GSTCD: variants seen among roughly 807,000 people sequenced by gnomAD.
GSTCD encodes the protein glutathione S-transferase C-terminal domain-containing protein.
In GSTCD, 44 loss-of-function variants were observed where a neutral mutation model predicts 68.3. The ratio of observed to expected loss-of-function variants is 0.64; its 90% CI spans 0.51 to 0.83. The LOEUF is 0.83. GSTCD is among the 40% of genes least tolerant of loss of function. The pLI, the probability that GSTCD is intolerant of heterozygous loss-of-function variation, is 0.00. For synonymous variants in GSTCD, 273 were observed against 255.2 expected, an observed-to-expected ratio of 1.07 and a Z score of -0.67; for missense variants, 739 against 735.9, an observed-to-expected ratio of 1.00 and a Z score of -0.05.
intron 5 of GSTCD, among the ~76,000 whole-genome samples, chr4:105,819,792 G>A (rs1055172811): frequency 6.6e-6 from 1 of 151,218 alleles, no homozygotes; most frequent in African/African-American, 2.4e-5. Context: ...GATCTCTGTT[G>A]AAAAAATTTG....
In GSTCD at chr4:105,729,452, G is replaced by C. The variant is rs1000781346; in HGVS notation, c.1193G>C (p.Trp398Ser). 4 of 1,611,926 alleles carry C rather than the reference G, an allele frequency of 2.5e-6. No homozygotes were observed. Among genetic ancestry groups the C allele is most frequent in the South Asian group, 1.1e-5 (1 of 90,776 alleles). The change falls in exon 5 of 12, where the codon TGG (tryptophan) becomes TCG (serine). Residue 398 changes from tryptophan (W) to serine (S), a missense_variant. Physicochemically the swap from Trp to Ser is radical, Grantham distance 177 (BLOSUM62 -3). Coordinates refer to ENST00000515279, the MANE Select transcript of GSTCD (RefSeq NM_001370181.1). ...VMFSPHPCPTWTLDWNVLPAA... is the reference protein window; with the variant it reads ...VMFSPHPCPTSTLDWNVLPAA... ...TTTTCTCCCCACCCTTGCCCTACTT[G>C]GACTCTTGATTGGAATGTTCTCCCT... is the stretch of plus-strand genomic sequence containing the variant.
At chr4:105,766,852 A>T (rs1322523822) in intron 5 of GSTCD, among the ~76,000 whole-genome samples, 1 of 133,170 alleles carries the variant, frequency 7.5e-6, no homozygotes, top group African/African-American at 2.9e-5. Context: ...CAGAAGATGG[A>T]TTAGTGTCCC....
At chr4:105,839,186 C>T (rs1396258269) in intron 10 of GSTCD, among the ~76,000 whole-genome samples, 1 of 152,184 alleles carries the variant, frequency 6.6e-6, no homozygotes, top group African/African-American at 2.4e-5. Flanking sequence ...AAAACCACAA[C>T]ATTGCTGGCC....
At chr4:105,805,470 A>G (rs527361500) in intron 5 of GSTCD, among the ~76,000 whole-genome samples, 90 of 152,224 alleles carry the variant, frequency 5.9e-4, no homozygotes, top group African/African-American at 2.2e-3. Context: ...TTAATACACA[A>G]TTATTTTTAA....
chr4:105,842,296 G>T (rs553625027), intron 11 of GSTCD, among the ~76,000 whole-genome samples, 162 bp downstream of exon 11: 9 of 152,132 alleles, frequency 5.9e-5, no homozygotes, highest in Non-Finnish European at 1.2e-4. Flanking sequence ...ATTGAAAAGG[G>T]TATTGTAACT....
chr4:105,818,115 C>A (rs1168852073), intron 5 of GSTCD, among the ~76,000 whole-genome samples: 1 of 151,688 alleles, frequency 6.6e-6, no homozygotes, highest in Admixed American at 6.6e-5. Flanking sequence ...GAGACAGAAG[C>A]AATTTCAGCT....
chr4:105,719,184 G>A lies in GSTCD; in HGVS notation c.551G>A (p.Ser184Asn), dbSNP rs776275733. The A allele has an allele frequency of 5.6e-6, 9 of 1,613,960 alleles. No homozygotes were observed. The South Asian group carries it at 6.6e-5, about 12-fold the overall frequency. The stretch of plus-strand genomic sequence containing the variant: ...ATACTACAGCTAGAGAAAAAGCTTA[G>A]TGAGCCTGTTAGAGTGCATAATGAT... ...VEILQLEKKLSEPVRVHNDDK... is the reference protein window; with the variant it reads ...VEILQLEKKLNEPVRVHNDDK... Residue 184 changes from serine (S) to asparagine (N), a missense_variant, in exon 3 of 12, where the codon AGT (serine) becomes AAT (asparagine). Ser to Asn is a conservative substitution (Grantham distance 46). Transcript: ENST00000515279.
intron 5 of GSTCD, among the ~76,000 whole-genome samples, chr4:105,793,536 G>A (rs1177000836): frequency 6.6e-6 from 1 of 151,474 alleles, no homozygotes; most frequent in Non-Finnish European, 1.5e-5. Flanking sequence ...CTATTTTGGT[G>A]TTAACTGAAT....
intron 5 of GSTCD, among the ~76,000 whole-genome samples, chr4:105,801,481 TA>T (rs1736102952): frequency 6.6e-6 from 1 of 152,100 alleles, no homozygotes; most frequent in Admixed American, 6.6e-5. Flanking sequence ...TGTTAAAGAA[TA>T]AAGGGTAGTT....
intron 5 of GSTCD, among the ~76,000 whole-genome samples, chr4:105,803,954 A>G (rs988356648): frequency 3.3e-5 from 5 of 152,026 alleles, no homozygotes; most frequent in Admixed American, 6.6e-5. Flanking sequence ...TTGGTTAGGG[A>G]TATGTACATA....
intron 5 of GSTCD, among the ~76,000 whole-genome samples, chr4:105,784,377 C>G (rs1273330477): frequency 1.3e-5 from 2 of 152,182 alleles, no homozygotes; most frequent in Non-Finnish European, 2.9e-5. Context: ...AGGGACCAGA[C>G]TAGCTTTATA....
chr4:105,776,981 C>T (rs1324371410), intron 5 of GSTCD, among the ~76,000 whole-genome samples: 1 of 152,158 alleles, frequency 6.6e-6, no homozygotes, highest in Admixed American at 6.5e-5. Context: ...ATCTGTCCAA[C>T]TCAATCTATG....
chr4:105,742,264 A>G (rs1300611253), intron 5 of GSTCD, among the ~76,000 whole-genome samples: 2 of 152,114 alleles, frequency 1.3e-5, no homozygotes, highest in Non-Finnish European at 2.9e-5. Flanking sequence ...CATTCCTTGA[A>G]CTTTTTACTG....
intron 5 of GSTCD, among the ~76,000 whole-genome samples, chr4:105,758,115 C>G (rs1363405093): frequency 6.6e-6 from 1 of 152,040 alleles, no homozygotes; most frequent in African/African-American, 2.4e-5. Context: ...CTAATATAAC[C>G]GCTGATTTTT....
chr4:105,724,380 A>G (rs1310544523), intron 3 of GSTCD, among the ~76,000 whole-genome samples: 1 of 151,958 alleles, frequency 6.6e-6, no homozygotes, highest in African/African-American at 2.4e-5. Context: ...TGAAAAAATA[A>G]AAGTCTTACT....
At chr4:105,751,335 C>T (rs1189148744) in intron 5 of GSTCD, among the ~76,000 whole-genome samples, 4 of 151,988 alleles carry the variant, frequency 2.6e-5, no homozygotes, top group African/African-American at 7.2e-5. Context: ...TATTGAAATA[C>T]TTCTCAGCTC....
At chr4:105,723,346 T>C (rs1046664495) in intron 3 of GSTCD, among the ~76,000 whole-genome samples, 1 of 151,914 alleles carries the variant, frequency 6.6e-6, no homozygotes, top group African/African-American at 2.4e-5. Flanking sequence ...ATCCATTGGT[T>C]CTGTATTCAT....
rs1560857960 is a variant in GSTCD at position 105,842,054 on chromosome 4, T to G, written c.1696-11T>G. On this transcript the variant is annotated splice_polypyrimidine_tract_variant and intron_variant, in intron 10 of 11. Coordinates refer to ENST00000515279, the MANE Select transcript of GSTCD (RefSeq NM_001370181.1). ...AAAAATAAACCCACATTCTATTGCT[T>G]TTTCTTTTAGGAACACATGATTCTG... 6.2e-7 allele frequency: 1 copy of G among 1,610,950 alleles called. No individual in the cohort carries two copies. The highest frequency in any genetic ancestry group is 8.5e-7 in the Non-Finnish European group (1 of 1,177,266).
chr4:105,780,032 T>C (rs1326288533), intron 5 of GSTCD, among the ~76,000 whole-genome samples: 1 of 152,248 alleles, frequency 6.6e-6, no homozygotes, highest in Non-Finnish European at 1.5e-5. Context: ...GCAGTGCATA[T>C]GTTGAATCTA....
Sources: gnomAD v4.1 joint callset for allele counts (sites outside exome capture counted in the v4.1 genomes callset) on GRCh38, gnomAD v4.1.1 for gene constraint, MANE v1.5 for transcripts, NCBI Gene and HGNC (gene_info 2026-07-23, HGNC 2026-07-21) for gene names.